TMEM108: variants seen among roughly 807,000 people sequenced by gnomAD.
The protein encoded by TMEM108 is cancer/testis antigen 124.
In TMEM108, 12 loss-of-function variants were observed where a neutral mutation model predicts 35.1. The observed-to-expected ratio is 0.34, with a 90% CI of 0.22 to 0.55. The LOEUF (loss-of-function observed/expected upper bound fraction) is 0.55, where lower values mean the gene tolerates loss of function less well. TMEM108 is among the 20% of genes least tolerant of loss of function. TMEM108 has a pLI of 0.89. For synonymous variants in TMEM108, 287 were observed against 308.6 expected, an observed-to-expected ratio of 0.93 and a Z score of 0.73; for missense variants, 680 against 753.3, an observed-to-expected ratio of 0.90 and a Z score of 1.14.
intron 2 of TMEM108, 92 bp from the exon 3 acceptor site, chr3:133,229,174 G>A (rs1946116165): frequency 1.3e-6 from 1 of 744,518 alleles, no homozygotes; most frequent in East Asian, 2.7e-5. Context: ...GGTAAGTTAG[G>A]CATTATAACC....
intron 3 of TMEM108, among the ~76,000 whole-genome samples, chr3:133,323,698 A>G (rs2071294417): frequency 6.6e-6 from 1 of 152,218 alleles, no homozygotes; most frequent in Admixed American, 6.5e-5. Flanking sequence ...ATGGAACCAT[A>G]AAAGACCCCA....
At chr3:133,064,707 ACCTTTTTTTTTTT>A in intron 2 of TMEM108, among the ~76,000 whole-genome samples, 2 of 149,910 alleles carry the variant, frequency 1.3e-5, no homozygotes, top group Non-Finnish European at 3.0e-5. Flanking sequence ...AGAGAAATAA[ACCTTTTTTTTTTT>A]TTTAATGGAC....
chr3:133,155,687 G>C (rs1413443745), intron 2 of TMEM108, among the ~76,000 whole-genome samples: 1 of 152,024 alleles, frequency 6.6e-6, no homozygotes, highest in Admixed American at 6.6e-5. Flanking sequence ...TCCTTTGCCT[G>C]CTTTTCAATG....
At chr3:133,066,139 A>C (rs1943603753) in intron 2 of TMEM108, among the ~76,000 whole-genome samples, 2 of 152,030 alleles carry the variant, frequency 1.3e-5, no homozygotes, top group Admixed American at 1.3e-4. Context: ...AATTCCCATT[A>C]CTTAGACTCG....
chr3:133,297,540 G>A (rs995410069), intron 3 of TMEM108, among the ~76,000 whole-genome samples: 1 of 152,176 alleles, frequency 6.6e-6, no homozygotes, highest in Non-Finnish European at 1.5e-5. Context: ...TTACCTGGGG[G>A]TGGGGGGAGA....
intron 3 of TMEM108, among the ~76,000 whole-genome samples, chr3:133,290,313 T>A (rs1947045145): frequency 6.6e-6 from 1 of 152,150 alleles, no homozygotes; most frequent in Non-Finnish European, 1.5e-5. Flanking sequence ...CTATGAGACT[T>A]AGTTCTTCTC....
chr3:133,239,874 A>C (rs1412354387), intron 3 of TMEM108, among the ~76,000 whole-genome samples: 2 of 152,208 alleles, frequency 1.3e-5, no homozygotes, highest in African/African-American at 4.8e-5. Flanking sequence ...ACAGAGAAGG[A>C]GCTAGCAGAA....
chr3:133,059,608 C>T (rs1009780814), intron 2 of TMEM108, among the ~76,000 whole-genome samples: 2 of 152,130 alleles, frequency 1.3e-5, no homozygotes, highest in Admixed American at 6.5e-5. Flanking sequence ...ATTGGCTGTG[C>T]GGCTGCGGAA....
chr3:133,057,003 A>G (rs932802457), intron 2 of TMEM108, among the ~76,000 whole-genome samples: 3 of 152,204 alleles, frequency 2.0e-5, no homozygotes, highest in Admixed American at 2.0e-4. Context: ...AAGGTTGCTT[A>G]GACAAGCCCT....
intron 2 of TMEM108, among the ~76,000 whole-genome samples, chr3:133,131,001 T>G (rs1944483455): frequency 6.6e-6 from 1 of 152,220 alleles, no homozygotes; most frequent in Admixed American, 6.5e-5. Context: ...GATGGTTGAG[T>G]CTTTCCCTAA....
chr3:133,289,648 A>C (rs1513374), intron 3 of TMEM108, among the ~76,000 whole-genome samples: 148,736 of 152,314 alleles, frequency 0.98, 72,701 homozygotes, highest in East Asian at 1. Context: ...TTTGAAAAGT[A>C]GTGTAGTGCC....
At chr3:133,378,384 G>T (rs2072905050) in intron 3 of TMEM108, 3 of 985,502 alleles carry the variant, frequency 3.0e-6, no homozygotes, top group Non-Finnish European at 2.4e-6. Flanking sequence ...CACAGCTGGG[G>T]CCCCTGCTTT....
intron 2 of TMEM108, among the ~76,000 whole-genome samples, chr3:133,137,696 T>C (rs1944584296): frequency 6.6e-6 from 1 of 152,180 alleles, no homozygotes; most frequent in African/African-American, 2.4e-5. Context: ...GCTGTACAAA[T>C]ACAAGGATTT....
intron 3 of TMEM108, among the ~76,000 whole-genome samples, chr3:133,320,128 C>T (rs1420024886): frequency 2.6e-5 from 4 of 151,978 alleles, no homozygotes; most frequent in African/African-American, 9.7e-5. Context: ...TTCTATAACA[C>T]TCCAAAAAGA....
At chr3:133,063,316 G>C (rs1943557061) in intron 2 of TMEM108, among the ~76,000 whole-genome samples, 2 of 152,144 alleles carry the variant, frequency 1.3e-5, no homozygotes, top group South Asian at 4.1e-4. Flanking sequence ...GAATGAGGGA[G>C]AGTGGGCAAT....
chr3:133,235,299 A>G (rs1946218729), intron 3 of TMEM108, among the ~76,000 whole-genome samples: 2 of 152,138 alleles, frequency 1.3e-5, no homozygotes, highest in South Asian at 4.1e-4. Flanking sequence ...CACCAAGTCA[A>G]TCCTAAGCCA....
At chr3:133,329,940 T>G (rs1480064849) in intron 3 of TMEM108, among the ~76,000 whole-genome samples, 1 of 152,156 alleles carries the variant, frequency 6.6e-6, no homozygotes. Flanking sequence ...TCAAGAATCT[T>G]GGTGCTGGGA....
intron 2 of TMEM108, among the ~76,000 whole-genome samples, chr3:133,063,068 G>A (rs553383509): frequency 6.6e-6 from 1 of 152,330 alleles, no homozygotes; most frequent in African/African-American, 2.4e-5. Context: ...TGGGGTCAGA[G>A]ACTTGCTGAA....
intron 2 of TMEM108, among the ~76,000 whole-genome samples, chr3:133,227,888 C>A (rs1016114913): frequency 6.6e-6 from 1 of 151,176 alleles, no homozygotes; most frequent in East Asian, 2.0e-4. Context: ...AGTGAGACTT[C>A]GTCTCAAAAA....
Sources: allele counts gnomAD v4.1 joint callset (sites outside exome capture counted in the v4.1 genomes callset), GRCh38; gene constraint gnomAD v4.1.1; transcripts MANE v1.5; gene names NCBI Gene and HGNC (gene_info 2026-07-23, HGNC 2026-07-21).